The following KAZN variants were observed in gnomAD, a reference collection of about 807,000 sequenced individuals.
KAZN encodes the protein kazrin.
Under a neutral mutation model 87.4 loss-of-function variants are expected in KAZN, and 40 were observed. That is an observed-to-expected ratio of 0.46 (90% confidence interval 0.36 to 0.60). The LOEUF (loss-of-function observed/expected upper bound fraction) is 0.60, where lower values mean the gene tolerates loss of function less well. Among genes scored for constraint, KAZN ranks in the 20% least tolerant of loss-of-function variants. The pLI is 0.00. For missense variants in KAZN, 898 were observed against 1,073.9 expected (o/e 0.84, Z 2.29); for synonymous variants, 466 against 458.3 (o/e 1.02, Z -0.22).
At chr1:14,964,296 A>C (rs1290494822) in intron 2 of KAZN, among the ~76,000 whole-genome samples, 1 of 152,136 alleles carries the variant, frequency 6.6e-6, no homozygotes, top group Non-Finnish European at 1.5e-5. Flanking sequence ...TAGCTACTTC[A>C]TAGGATTGTT....
intron 1 of KAZN, among the ~76,000 whole-genome samples, chr1:13,968,552 G>T (rs965448457): frequency 2.0e-5 from 3 of 152,056 alleles, no homozygotes; most frequent in Admixed American, 1.3e-4. Context: ...ATCTACTTCC[G>T]CATTGTCCAT....
intron 2 of KAZN, among the ~76,000 whole-genome samples, chr1:14,341,073 A>C (rs1449690916): frequency 1.2e-5 from 1 of 80,932 alleles, no homozygotes; most frequent in East Asian, 4.8e-4. Flanking sequence ...TTTTTAGTAG[A>C]GATTGGGGGG....
chr1:14,113,905 T>C (rs537752136), intron 1 of KAZN, among the ~76,000 whole-genome samples: 1 of 152,286 alleles, frequency 6.6e-6, no homozygotes, highest in South Asian at 2.1e-4. Flanking sequence ...CAGTGACCTG[T>C]GTGTGGCCGT....
chr1:14,916,620 A>C (rs1657846001), intron 1 of KAZN, among the ~76,000 whole-genome samples: 1 of 152,220 alleles, frequency 6.6e-6, no homozygotes, highest in South Asian at 2.1e-4. Context: ...ACAATTAAGA[A>C]TCTAACTTGG....
intron 2 of KAZN, among the ~76,000 whole-genome samples, chr1:14,387,407 A>G (rs1187826423): frequency 6.6e-6 from 1 of 151,996 alleles, no homozygotes; most frequent in Non-Finnish European, 1.5e-5. Context: ...TAGAGTTTCC[A>G]GTTTTTCTGC....
intron 2 of KAZN, among the ~76,000 whole-genome samples, chr1:14,507,243 C>T (rs1670630251): frequency 6.6e-6 from 1 of 152,140 alleles, no homozygotes; most frequent in Non-Finnish European, 1.5e-5. Context: ...CCTCTCCGAA[C>T]CCCTTTTATT....
chr1:14,175,769 G>A (rs115039134), intron 1 of KAZN, among the ~76,000 whole-genome samples: 2,431 of 152,278 alleles, frequency 0.016, 40 homozygotes, highest in South Asian at 0.037. Flanking sequence ...AAGGACGTGG[G>A]AACTGAGGTA....
chr1:14,764,421 CT>C (rs147089129), intron 1 of KAZN, among the ~76,000 whole-genome samples: 1,900 of 143,628 alleles, frequency 0.013, 50 homozygotes, highest in African/African-American at 0.046. Flanking sequence ...TTCCCTGTTC[CT>C]TTTTTTCCCA....
intron 2 of KAZN, among the ~76,000 whole-genome samples, chr1:14,354,917 T>G (rs1027343788): frequency 1.3e-5 from 2 of 152,196 alleles, no homozygotes; most frequent in Non-Finnish European, 2.9e-5. Flanking sequence ...GTAACTTTAT[T>G]CATAATAGTC....
At chr1:14,731,362 C>T (rs1477960051) in intron 1 of KAZN, among the ~76,000 whole-genome samples, 1 of 152,190 alleles carries the variant, frequency 6.6e-6, no homozygotes, top group African/African-American at 2.4e-5. Context: ...GTCAAGATGC[C>T]CAAGCCAGCT....
intron 1 of KAZN, among the ~76,000 whole-genome samples, chr1:14,687,915 C>T (rs1232072755): frequency 9.2e-5 from 14 of 152,324 alleles, no homozygotes; most frequent in Admixed American, 2.6e-4. Context: ...ACTGGACCCA[C>T]ACCAGCAACT....
At chr1:14,909,623 C>T (rs1015991282) in intron 1 of KAZN, among the ~76,000 whole-genome samples, 1 of 152,216 alleles carries the variant, frequency 6.6e-6, no homozygotes, top group Non-Finnish European at 1.5e-5. Context: ...CTCTGCAGTG[C>T]ACCCCAGAGT....
intron 2 of KAZN, among the ~76,000 whole-genome samples, chr1:14,438,348 G>A (rs907600043): frequency 1.6e-4 from 24 of 152,190 alleles, no homozygotes; most frequent in African/African-American, 3.4e-4. Flanking sequence ...TTCTGGTGTC[G>A]GGAGAAGGGG....
rs779925271 is a variant in KAZN at position 15,065,803 on chromosome 1, G to A, written c.1222+50G>A. On this transcript the variant is annotated intron_variant, in intron 8 of 14. Transcript: ENST00000376030. ...AGGAGGACGCGGACTGGTGATACGCGCTCCCCTGCGCCTGCTGCCCGCAGG... is the reference window on the plus strand; with the variant it reads ...AGGAGGACGCGGACTGGTGATACGCACTCCCCTGCGCCTGCTGCCCGCAGG... 2.5e-6 allele frequency: 4 copies of A among 1,597,510 alleles called. No individual in the cohort carries two copies. In the African/African-American group the frequency reaches 4.0e-5, roughly 16 times the overall value.
rs185445539 is a variant in KAZN, at chr1:14,406,772, T to G, written c.250-192211T>G. Among the ~76,000 whole-genome samples the G allele has an allele frequency of 6.6e-5, 10 of 152,342 alleles. No individual in the cohort carries two copies. The East Asian group carries it at 1.9e-3, about 29-fold the overall frequency. ...TCTCAGAAACAGCCAGAATAATATT[T>G]GAGCAAATATCTGGATGCCCTGTGG... On this transcript the variant is annotated intron_variant, in intron 2 of 16. Transcript: ENST00000636203.
At chr1:14,489,442 G>A (rs186819245) in intron 2 of KAZN, among the ~76,000 whole-genome samples, 31 of 152,120 alleles carry the variant, frequency 2.0e-4, no homozygotes, top group Admixed American at 1.3e-3. Flanking sequence ...TGAATACACC[G>A]TTTTGGGCTG....
intron 2 of KAZN, among the ~76,000 whole-genome samples, chr1:14,436,990 C>T (rs1401490540): frequency 6.6e-6 from 1 of 152,194 alleles, no homozygotes; most frequent in Non-Finnish European, 1.5e-5. Context: ...CCCTGCCTGA[C>T]ACTTCAGCTT....
chr1:14,858,299 A>ACCTCC (rs1474540572), intron 1 of KAZN, among the ~76,000 whole-genome samples: 1 of 138,298 alleles, frequency 7.2e-6, no homozygotes, highest in African/African-American at 2.8e-5. Context: ...CGCAACCTCC[A>ACCTCC]CCTCCCAGGT....
At chr1:14,037,439 CTT>C (rs1641608689) in intron 1 of KAZN, among the ~76,000 whole-genome samples, 1 of 152,176 alleles carries the variant, frequency 6.6e-6, no homozygotes, top group Admixed American at 6.5e-5. Context: ...TGCACTGACT[CTT>C]GTCTGAAGCT....
Sources: allele counts gnomAD v4.1 joint callset (sites outside exome capture counted in the v4.1 genomes callset), GRCh38; gene constraint gnomAD v4.1.1; transcripts MANE v1.5; gene names NCBI Gene and HGNC (gene_info 2026-07-23, HGNC 2026-07-21).